Variants in HS3ST3A1 observed in about 807,000 individuals in gnomAD.
HS3ST3A1 encodes heparan sulfate-glucosamine 3-sulfotransferase 3A1, also known as heparan sulfate glucosamine 3-O-sulfotransferase 3A1.
HS3ST3A1 carries 19 observed loss-of-function variants against 25.7 expected under a neutral mutation model. The observed-to-expected ratio is 0.74, with a 90% CI of 0.52 to 1.08. HS3ST3A1 has a LOEUF of 1.08. Among genes scored for constraint, HS3ST3A1 ranks in the 50% least tolerant of loss-of-function variants. The probability of loss-of-function intolerance (pLI) is 0.00; values close to 1 mark genes in which losing one functional copy is unlikely to be tolerated. For synonymous variants in HS3ST3A1, 226 were observed against 278.6 expected (o/e 0.81, Z 1.88); for missense variants, 459 against 594.3 (o/e 0.77, Z 2.37).
At chr17:13,525,102 G>A (rs181412654) in intron 1 of HS3ST3A1, among the ~76,000 whole-genome samples, 3 of 151,776 alleles carry the variant, frequency 2.0e-5, no homozygotes, top group Non-Finnish European at 2.9e-5. Flanking sequence ...CTGCATACTC[G>A]CAAGTCTGGT....
chr17:13,507,808 T>G (rs1038602496), intron 1 of HS3ST3A1, among the ~76,000 whole-genome samples: 7 of 152,174 alleles, frequency 4.6e-5, no homozygotes, highest in Admixed American at 6.5e-5. Flanking sequence ...GCTCTTTTCA[T>G]GGCCATGGCA....
intron 1 of HS3ST3A1, among the ~76,000 whole-genome samples, chr17:13,500,577 G>T (rs1905440031): frequency 6.6e-6 from 1 of 152,296 alleles, no homozygotes; most frequent in South Asian, 2.1e-4. Flanking sequence ...GGGAGGCATA[G>T]GTCCTAGGAG....
rs78176825 is a variant in HS3ST3A1 at position 13,505,369 on chromosome 17, A to G, written c.600-8551T>C. Among the ~76,000 whole-genome samples the G allele has an allele frequency of 8.6e-3, 1,314 of 152,298 alleles. 24 individuals are homozygous for G. The highest frequency in any genetic ancestry group is 0.03 in the African/African-American group (1,256 of 41,552). On this transcript the variant is annotated intron_variant, in intron 1 of 1. Transcript: ENST00000284110. ...CGAAGAAATTTGTCTGCTTGAACTG[A>G]GGAGCTGTATGAAATTAGACCAAAA...
chr17:13,543,822 G>A (rs894601097), intron 1 of HS3ST3A1, among the ~76,000 whole-genome samples: 4 of 152,028 alleles, frequency 2.6e-5, no homozygotes, highest in East Asian at 1.9e-4. Context: ...AATAACCATC[G>A]ATCTGGATTC....
intron 1 of HS3ST3A1, among the ~76,000 whole-genome samples, chr17:13,570,956 T>C (rs1399290663): frequency 6.6e-6 from 1 of 152,182 alleles, no homozygotes; most frequent in African/African-American, 2.4e-5. Context: ...GACGCAGGCA[T>C]TTGGCAATGA....
rs1187577176 is a variant in HS3ST3A1 at position 13,494,071 on chromosome 17, T to TA, written c.*2125dup. On this transcript the variant is annotated 3_prime_UTR_variant, in exon 2 of 2. Coordinates refer to ENST00000284110, the MANE Select transcript of HS3ST3A1 (RefSeq NM_006042.3). ...TTCTGTTCTTTTATTTCTTTCACAT[T>TA]AAAAAAATGAAGGTTGCAGAATGCA... 1.3e-5 allele frequency among the ~76,000 whole-genome samples: 2 copies of TA among 152,150 alleles called. No individual in the cohort carries two copies. The highest frequency in any genetic ancestry group is 2.9e-5 in the Non-Finnish European group (2 of 68,018).
chr17:13,528,711 G>A (rs1281308781), intron 1 of HS3ST3A1, among the ~76,000 whole-genome samples: 1 of 152,148 alleles, frequency 6.6e-6, no homozygotes, highest in Non-Finnish European at 1.5e-5. Flanking sequence ...TGCAGAAGAG[G>A]GTGTGATGGA....
rs555436529 is a variant in HS3ST3A1 at position 13,559,016 on chromosome 17, T to G, written c.599+41515A>C. Among the ~76,000 whole-genome samples the G allele has an allele frequency of 2.0e-5, 3 of 152,322 alleles. No homozygotes were observed. In the South Asian group the frequency reaches 6.2e-4, roughly 32 times the overall value. The stretch of plus-strand genomic sequence containing the variant: ...TGATGTGGCCTTCAGTAAGTTACAA[T>G]GCCTGTCTGAATCTCAGCTATGCCC... On this transcript the variant is annotated intron_variant, in intron 1 of 1. Transcript: ENST00000284110.
chr17:13,585,855 T>G (rs1382121684), intron 1 of HS3ST3A1, among the ~76,000 whole-genome samples: 5 of 140,668 alleles, frequency 3.6e-5, no homozygotes, highest in Admixed American at 7.1e-5. Context: ...TTTTTTTTTT[T>G]TTTTTTTTTT....
chr17:13,501,969 G>C (rs941534388), intron 1 of HS3ST3A1, among the ~76,000 whole-genome samples: 3 of 152,202 alleles, frequency 2.0e-5, no homozygotes, highest in Non-Finnish European at 4.4e-5. Flanking sequence ...TGGTGTGAGA[G>C]AGATGGGCTC....
chr17:13,596,170 A>G (rs1476478151), intron 1 of HS3ST3A1, among the ~76,000 whole-genome samples: 1 of 152,124 alleles, frequency 6.6e-6, no homozygotes, highest in Non-Finnish European at 1.5e-5. Context: ...AGCGTATTAT[A>G]AATCTCATCC....
intron 1 of HS3ST3A1, among the ~76,000 whole-genome samples, chr17:13,582,171 C>A (rs1908132040): frequency 1.3e-5 from 2 of 151,964 alleles, no homozygotes; most frequent in South Asian, 4.1e-4. Context: ...AAGTATAGTA[C>A]ATCATCACTC....
chr17:13,591,199 C>T (rs1194887765), intron 1 of HS3ST3A1, among the ~76,000 whole-genome samples: 3 of 151,716 alleles, frequency 2.0e-5, no homozygotes, highest in African/African-American at 7.3e-5. Context: ...GGCATGGCCA[C>T]CACACCCGGC....
intron 1 of HS3ST3A1, among the ~76,000 whole-genome samples, chr17:13,498,152 C>T (rs1905341571): frequency 6.6e-6 from 1 of 152,188 alleles, no homozygotes; most frequent in South Asian, 2.1e-4. Context: ...ATTTTAAAGT[C>T]ATTCACAAAC....
chr17:13,577,867 G>GGTGTGTGT (rs202098377), intron 1 of HS3ST3A1, among the ~76,000 whole-genome samples: 2,319 of 151,142 alleles, frequency 0.015, 36 homozygotes, highest in South Asian at 0.032. Context: ...AGCAGTTTCT[G>GGTGTGTGT]GTGTGTGTGT....
intron 1 of HS3ST3A1, among the ~76,000 whole-genome samples, chr17:13,534,808 C>T (rs1394109775): frequency 6.6e-6 from 1 of 151,948 alleles, no homozygotes; most frequent in African/African-American, 2.4e-5. Flanking sequence ...GGCAGATCAC[C>T]TGAGGTTGGG....
intron 1 of HS3ST3A1, among the ~76,000 whole-genome samples, chr17:13,574,733 A>C (rs1365274426): frequency 7.3e-6 from 1 of 136,096 alleles, no homozygotes; most frequent in African/African-American, 3.1e-5. Context: ...AAAACCAAAC[A>C]AAACAAATAC....
chr17:13,582,181 C>G (rs1010763911), intron 1 of HS3ST3A1, among the ~76,000 whole-genome samples: 55 of 152,170 alleles, frequency 3.6e-4, no homozygotes, highest in Admixed American at 9.8e-4. Flanking sequence ...CATCATCACT[C>G]AAATCTGAGT....
At chr17:13,553,532 C>T (rs573946742) in intron 1 of HS3ST3A1, among the ~76,000 whole-genome samples, 28 of 152,304 alleles carry the variant, frequency 1.8e-4, no homozygotes, top group African/African-American at 6.5e-4. Context: ...TCCTCAAGAC[C>T]TGTCCAGATT....
Sources: gnomAD v4.1 joint callset for allele counts (sites outside exome capture counted in the v4.1 genomes callset) on GRCh38, gnomAD v4.1.1 for gene constraint, MANE v1.5 for transcripts, NCBI Gene and HGNC (gene_info 2026-07-23, HGNC 2026-07-21) for gene names.